Variants in ITPKB observed in about 807,000 individuals in gnomAD.
ITPKB encodes inositol-trisphosphate 3-kinase B.
A neutral mutation model predicts 69.4 loss-of-function variants in ITPKB; 13 were observed. The observed-to-expected ratio is 0.19, with a 90% CI of 0.12 to 0.30. The LOEUF (loss-of-function observed/expected upper bound fraction) is 0.30, where lower values mean the gene tolerates loss of function less well. ITPKB is among the 10% of genes least tolerant of loss of function. The pLI, the probability that ITPKB is intolerant of heterozygous loss-of-function variation, is 1.00. For missense variants in ITPKB, 1,240 were observed against 1,250.5 expected (o/e 0.99, Z 0.13); for synonymous variants, 584 against 513.7 (o/e 1.14, Z -1.85).
intron 1 of ITPKB, 62 bp from the exon 2 acceptor site, chr1:226,737,725 G>C: frequency 2.6e-6 from 1 of 383,668 alleles, no homozygotes; most frequent in Non-Finnish European, 3.7e-6. Flanking sequence ...GTTGGGGGTC[G>C]CCTGCAGAAC....
At chr1:226,701,465 G>T (rs919729075) in intron 2 of ITPKB, among the ~76,000 whole-genome samples, 1 of 151,376 alleles carries the variant, frequency 6.6e-6, no homozygotes, top group African/African-American at 2.4e-5. Flanking sequence ...TTAGCCGGGC[G>T]TGGTGGTGGG....
Position 226,648,762 on chromosome 1 carries a change from A to C in ITPKB, c.1942T>G (p.Trp648Gly). ...TGCACCATGTTTTTTATCTTCCTCC[A>C]TGATTTGCTCTAGAAACAAACAAAC... ...DQQKPRVSKS[W>G]RKIKNMVHWS... The change falls in exon 3 of 8, where the codon TGG (tryptophan) becomes GGG (glycine). Residue 648 changes from tryptophan (W) to glycine (G), a missense_variant. By Grantham distance (184) the Trp-to-Gly change is radical. This residue lies in a region of ITPKB where 248 missense variants were observed against 396.7 expected (regional missense o/e 0.63). Transcript: ENST00000429204. 1 of 1,603,990 alleles carries C rather than the reference A, an allele frequency of 6.2e-7. No homozygotes were observed. The highest frequency in any genetic ancestry group is 8.5e-7 in the Non-Finnish European group (1 of 1,170,710).
intron 2 of ITPKB, among the ~76,000 whole-genome samples, chr1:226,662,909 C>T (rs1451594466): frequency 6.6e-6 from 1 of 152,208 alleles, no homozygotes; most frequent in South Asian, 2.1e-4. Context: ...GTGGCCAATG[C>T]GCAGCTCTGA....
intron 2 of ITPKB, among the ~76,000 whole-genome samples, chr1:226,703,536 C>T (rs1467230026): frequency 6.6e-6 from 1 of 152,030 alleles, no homozygotes; most frequent in Non-Finnish European, 1.5e-5. Context: ...CGCGCTCTGC[C>T]CGCCGCCCAC....
At chr1:226,670,332 C>T (rs1391302289) in intron 2 of ITPKB, among the ~76,000 whole-genome samples, 1 of 152,010 alleles carries the variant, frequency 6.6e-6, no homozygotes, top group Non-Finnish European at 1.5e-5. Context: ...TCTGCAAGGG[C>T]CATAAAAATG....
intron 5 of ITPKB, among the ~76,000 whole-genome samples, 158 bp from the exon 6 acceptor site, chr1:226,639,816 G>A (rs1668919357): frequency 6.6e-6 from 1 of 152,170 alleles, no homozygotes; most frequent in African/African-American, 2.4e-5. Flanking sequence ...GCATGGAGGT[G>A]GCGTGCACAG....
Position 226,700,407 on chromosome 1 carries a change from T to G in ITPKB, c.1932+35120A>C, listed in dbSNP as rs955326880. On this transcript the variant is annotated intron_variant, in intron 2 of 7. Coordinates refer to ENST00000429204, the MANE Select transcript of ITPKB (RefSeq NM_002221.4). ...TCACTTGAATCCGGGAGGCGGAGAT[T>G]GCAGTGAGCCCAGATCACGCCACGG... Among the ~76,000 whole-genome samples the G allele has an allele frequency of 2.3e-5, 3 of 132,566 alleles. No homozygotes were observed. The East Asian group carries it at 6.5e-4, about 29-fold the overall frequency. The allele number at this position is 132,566 out of a possible 152,430, so 87.0% of individuals were successfully genotyped here.
chr1:226,736,636 T>C lies in ITPKB; in HGVS notation c.823A>G (p.Ile275Val), dbSNP rs748802247. Residue 275 changes from isoleucine (I) to valine (V), a missense_variant, in exon 2 of 8, where the codon ATT becomes GTT. By Grantham distance (29) the Ile-to-Val change is conservative. Transcript: ENST00000429204. ...PRCGSPTAME[I>V]DKRGSPTPGT... ...GGGGTAGGAGAGCCCCTTTTGTCAA[T>C]TTCCATAGCTGTGGGTGAGCCACAG... The C allele has an allele frequency of 6.2e-7, 1 of 1,613,542 alleles. No homozygotes were observed. Among genetic ancestry groups the C allele is most frequent in the South Asian group, 1.1e-5 (1 of 91,090 alleles).
chr1:226,647,412 C>T (rs1323743603), intron 3 of ITPKB, 32 bp from the exon 4 acceptor site: 1 of 1,553,974 alleles, frequency 6.4e-7, no homozygotes, highest in Non-Finnish European at 8.8e-7. Flanking sequence ...TTCCTGGTCT[C>T]CGGCTGCAGG....
intron 2 of ITPKB, among the ~76,000 whole-genome samples, chr1:226,710,700 C>T (rs1001242789): frequency 3.3e-5 from 5 of 152,244 alleles, no homozygotes; most frequent in African/African-American, 1.2e-4. Flanking sequence ...GCTGGATTCT[C>T]ATGCAGTTGT....
chr1:226,682,606 C>T (rs955876130), intron 2 of ITPKB, among the ~76,000 whole-genome samples: 6 of 152,210 alleles, frequency 3.9e-5, no homozygotes, highest in Non-Finnish European at 8.8e-5. Context: ...CATACAAGGT[C>T]TTCCATAAGT....
intron 2 of ITPKB, among the ~76,000 whole-genome samples, chr1:226,700,452 A>G (rs1487039945): frequency 1.7e-5 from 2 of 115,362 alleles, no homozygotes; most frequent in African/African-American, 3.4e-5. Flanking sequence ...CTGGCAACGG[A>G]GCAAGACTCC....
intron 2 of ITPKB, among the ~76,000 whole-genome samples, chr1:226,727,971 T>C (rs920785604): frequency 3.9e-5 from 6 of 152,202 alleles, no homozygotes; most frequent in Admixed American, 3.9e-4. Flanking sequence ...AGTAAAATGC[T>C]AGATTAACAG....
chr1:226,695,813 T>C (rs1045198115), intron 2 of ITPKB, among the ~76,000 whole-genome samples: 1 of 151,576 alleles, frequency 6.6e-6, no homozygotes, highest in African/African-American at 2.4e-5. Flanking sequence ...AGAAGGGAAG[T>C]GGAGAAATTA....
intron 2 of ITPKB, among the ~76,000 whole-genome samples, chr1:226,712,726 C>A (rs1656992594): frequency 6.6e-6 from 1 of 152,190 alleles, no homozygotes; most frequent in South Asian, 2.1e-4. Flanking sequence ...CCTGTGTTTC[C>A]TGCTTAAGCA....
intron 2 of ITPKB, among the ~76,000 whole-genome samples, chr1:226,679,942 G>A (rs1656036839): frequency 6.6e-6 from 1 of 152,092 alleles, no homozygotes; most frequent in South Asian, 2.1e-4. Flanking sequence ...AGGCCAGGCG[G>A]AGAGGGCAGG....
intron 2 of ITPKB, among the ~76,000 whole-genome samples, chr1:226,703,337 G>A (rs1214595288): frequency 6.6e-6 from 1 of 152,214 alleles, no homozygotes; most frequent in Non-Finnish European, 1.5e-5. Flanking sequence ...ATGAACGGAC[G>A]GCGCCGGAGT....
intron 2 of ITPKB, among the ~76,000 whole-genome samples, chr1:226,676,751 G>C (rs904780832): frequency 1.3e-5 from 2 of 152,218 alleles, no homozygotes; most frequent in African/African-American, 4.8e-5. Flanking sequence ...AAAGGACGTA[G>C]GGTAACTGCC....
At chr1:226,666,911 T>C (rs1355317665) in intron 2 of ITPKB, among the ~76,000 whole-genome samples, 1 of 152,140 alleles carries the variant, frequency 6.6e-6, no homozygotes, top group East Asian at 1.9e-4. Context: ...CACCAATGCG[T>C]CCCTTCACTC....
Sources: gnomAD v4.1 joint callset for allele counts (sites outside exome capture counted in the v4.1 genomes callset) on GRCh38, gnomAD v4.1.1 for gene constraint, gnomAD v4.1.1 regional missense constraint, MANE v1.5 for transcripts, NCBI Gene and HGNC (gene_info 2026-07-23, HGNC 2026-07-21) for gene names.